The following HPS5 variants were observed in gnomAD, a reference collection of about 807,000 sequenced individuals.
HPS5 encodes the protein BLOC-2 complex member HPS5.
In HPS5, 83 loss-of-function variants were observed where a neutral mutation model predicts 128.0. The ratio of observed to expected loss-of-function variants is 0.65; its 90% CI spans 0.54 to 0.78. The LOEUF (loss-of-function observed/expected upper bound fraction) is 0.78, where lower values mean the gene tolerates loss of function less well. Ranked by LOEUF, HPS5 falls within the 30% of genes least tolerant of loss-of-function variation. The probability of loss-of-function intolerance (pLI) is 0.00; values close to 1 mark genes in which losing one functional copy is unlikely to be tolerated. For synonymous variants in HPS5, 475 were observed against 470.2 expected (o/e 1.01, Z -0.13); for missense variants, 1,281 against 1,326.2 (o/e 0.97, Z 0.53).
At position 18,291,998 on chromosome 11, in the gene HPS5, C is replaced by G. The variant is rs1250895035; in HGVS notation, c.1884G>C (p.Leu628=). 1 of 1,613,766 alleles carries G rather than the reference C, an allele frequency of 6.2e-7. No individual in the cohort carries two copies. The highest frequency in any genetic ancestry group is 1.1e-5 in the South Asian group (1 of 91,046). Residue 628 remains leucine, a synonymous_variant, in exon 16 of 23, where the codon CTG becomes CTC. Transcript: ENST00000349215. ...TCAGAGACTCGGATTCAAATAAAAC[C>G]AGAGGGTCCTGTAGCTTGGTCCTAT... The part of the protein sequence containing the change: ...AEAMTKLQDP[L]VLFESESLRM...
Position 18,297,568 on chromosome 11 carries a change from A to T in HPS5, c.1314T>A (p.Ile438=). The T allele has an allele frequency of 6.2e-7, 1 of 1,613,706 alleles. No homozygotes were observed. Among genetic ancestry groups the T allele is most frequent in the Non-Finnish European group, 8.5e-7 (1 of 1,179,780 alleles). The change falls in exon 11 of 23, where the codon ATT becomes ATA. Residue 438 remains isoleucine, a synonymous_variant. Transcript: ENST00000349215. ...DSACSSRRSS[I]SSHESFSILD... ...AGGTGAGAATACTTACATGTGATGAAATGGAGCTTCTTCTACTGCTACAAG... is the reference window on the plus strand; with the variant it reads ...AGGTGAGAATACTTACATGTGATGATATGGAGCTTCTTCTACTGCTACAAG...
At chr11:18,301,672 G>GTGCGCAACAAAAAGC (rs1861730901) in intron 8 of HPS5, among the ~76,000 whole-genome samples, 1 of 152,038 alleles carries the variant, frequency 6.6e-6, no homozygotes, top group Non-Finnish European at 1.5e-5. Context: ...TTAGTTGTGT[G>GTGCGCAACAAAAAGC]TGCGCAACAA....
rs556586894 is a variant in HPS5 at position 18,285,883 on chromosome 11, G to C, written c.2838-424C>G. On this transcript the variant is annotated intron_variant, in intron 19 of 22. Coordinates refer to ENST00000349215, the MANE Select transcript of HPS5 (RefSeq NM_181507.2). ...TTTTATTTTTAAAGTCCTAGATCAG[G>C]TTATGTCTAAAAATTCCTTGACACA... 5.9e-5 allele frequency among the ~76,000 whole-genome samples: 9 copies of C among 152,262 alleles called. No homozygotes were observed. In the East Asian group the frequency reaches 1.7e-3, roughly 29 times the overall value.
chr11:18,291,689 A>G lies in HPS5; in HGVS notation c.2193T>C (p.Ser731=). 3 of 1,614,276 alleles carry G rather than the reference A, an allele frequency of 1.9e-6. No homozygotes were observed. Among genetic ancestry groups the G allele is most frequent in the Non-Finnish European group, 2.5e-6 (3 of 1,180,038 alleles). Residue 731 remains serine (S), a synonymous_variant, in exon 16 of 23, where the codon AGT becomes AGC. Transcript: ENST00000349215. ...FQICSPCAIA[S]GLRNDLAELT... ...ATTCAGCCAGGTCGTTCCGAAGACC[A>G]CTTGCAATGGCGCATGGAGAACATA...
intron 1 of HPS5, 93 bp from the exon 2 acceptor site, chr11:18,318,000 A>G: frequency 1.1e-6 from 1 of 922,250 alleles, no homozygotes; most frequent in Non-Finnish European, 1.7e-6. Flanking sequence ...GAAACATGAG[A>G]AAGTCCCCAC....
chr11:18,311,233 C>G (rs1400697691), intron 4 of HPS5, among the ~76,000 whole-genome samples, 154 bp downstream of exon 4: 1 of 152,120 alleles, frequency 6.6e-6, no homozygotes, highest in Non-Finnish European at 1.5e-5. Flanking sequence ...TTCTGGTTTG[C>G]TGGGTACTGA....
chr11:18,289,622 AAAG>A (rs1860155422), intron 16 of HPS5, among the ~76,000 whole-genome samples: 3 of 152,248 alleles, frequency 2.0e-5, no homozygotes, highest in African/African-American at 7.2e-5. Context: ...TATTTGAATT[AAAG>A]CAGATCTGTA....
chr11:18,282,627 T>C (rs1564924670), intron 21 of HPS5, among the ~76,000 whole-genome samples: 2 of 152,018 alleles, frequency 1.3e-5, no homozygotes, highest in Non-Finnish European at 2.9e-5. Context: ...TGCTAAGCAC[T>C]GGATATGTAA....
rs891598387 is a variant in HPS5 at position 18,295,895 on chromosome 11, AG to A, written c.1634+103del. On this transcript the variant is annotated intron_variant, in intron 13 of 22. Coordinates refer to ENST00000349215, the MANE Select transcript of HPS5 (RefSeq NM_181507.2). ...CATATGACAAGTTATATGGAAAACA[AG>A]AGACTTCCTTTTTCTCATTTTCCAT... The A allele has an allele frequency of 1.4e-5, 17 of 1,252,110 alleles. No individual in the cohort carries two copies. In the African/African-American group the frequency reaches 2.1e-4, roughly 15 times the overall value. 77.6% of individuals were successfully genotyped at this position (1,252,110 alleles called of 1,614,324 possible). A position where few individuals can be genotyped will look rare whatever the true frequency, so the allele number is the denominator to read the frequency against.
Position 18,311,376 on chromosome 11 carries a change from C to G in HPS5, c.284+11G>C, listed in dbSNP as rs754426529. On this transcript the variant is annotated intron_variant, in intron 4 of 22. Transcript: ENST00000349215. Reference sequence around the variant, plus strand: ...TGAAAAAGGACAGATAGTTTTGGAACAGATTCTTACCTGGTAGCTACAGCA... The same window carrying G: ...TGAAAAAGGACAGATAGTTTTGGAAGAGATTCTTACCTGGTAGCTACAGCA... The G allele has an allele frequency of 6.3e-7, 1 of 1,578,194 alleles. No homozygotes were observed. The highest frequency in any genetic ancestry group is 1.1e-5 in the South Asian group (1 of 89,852).
intron 4 of HPS5, 105 bp from the exon 5 acceptor site, chr11:18,311,038 T>G (rs965524887): frequency 2.4e-6 from 2 of 841,994 alleles, no homozygotes; most frequent in African/African-American, 3.3e-5. Context: ...ACTCTTGTTC[T>G]TCAGAAAAGA....
chr11:18,301,079 G>A (rs910632613), intron 8 of HPS5, among the ~76,000 whole-genome samples, 163 bp from the exon 9 acceptor site: 36 of 152,270 alleles, frequency 2.4e-4, no homozygotes, highest in African/African-American at 8.4e-4. Flanking sequence ...CTTTCTGTCT[G>A]TAACAACAGC....
intron 10 of HPS5, 76 bp downstream of exon 10, chr11:18,298,716 C>T: frequency 1.4e-6 from 2 of 1,466,240 alleles, no homozygotes; most frequent in Non-Finnish European, 1.9e-6. Context: ...AATCAAGCAA[C>T]TTTGTAACAC....
chr11:18,317,764 G>A lies in HPS5; in HGVS notation c.95C>T (p.Ser32Phe), dbSNP rs760925763. 1.2e-6 allele frequency: 2 copies of A among 1,613,746 alleles called. No individual in the cohort carries two copies. The highest frequency in any genetic ancestry group is 3.3e-5 in the Admixed American group (2 of 59,990). The change falls in exon 2 of 23, where the codon TCC becomes TTC. Residue 32 changes from serine to phenylalanine, a missense_variant. Ser to Phe is a radical substitution (Grantham distance 155). Transcript: ENST00000349215. ...CAAGAAATTCACCTTTAGACGACTG[G>A]AGTCCAGCCGCAGGGCTGAGAGTAA... ...DPLLSALRLD[S>F]SRLKCTSIAV...
chr11:18,318,569 G>A (rs184036629), intron 1 of HPS5, among the ~76,000 whole-genome samples: 7 of 152,244 alleles, frequency 4.6e-5, no homozygotes, highest in Non-Finnish European at 1.0e-4. Flanking sequence ...TAACCAGTGA[G>A]GACTTTGTAA....
intron 16 of HPS5, among the ~76,000 whole-genome samples, chr11:18,288,616 C>CTAAAG (rs1349860470): frequency 6.6e-6 from 1 of 151,740 alleles, no homozygotes. Flanking sequence ...AAGTATGAAT[C>CTAAAG]TAAAGTAAAG....
intron 2 of HPS5, among the ~76,000 whole-genome samples, chr11:18,312,822 G>A (rs1863165196): frequency 6.6e-6 from 1 of 152,188 alleles, no homozygotes. Context: ...TATGTGCAAT[G>A]GTAGAACAGG....
In HPS5 at chr11:18,279,042, GA is replaced by G. The variant is rs1234245965; in HGVS notation, c.*839del. ...TTAGAAAATATTAAATAAATACAGG[GA>G]AAAATATTTTTAATTAGCTTAATTT... On this transcript the variant is annotated 3_prime_UTR_variant, in exon 23 of 23. Coordinates refer to ENST00000349215, the MANE Select transcript of HPS5 (RefSeq NM_181507.2). The G allele has an allele frequency of 6.6e-6, 1 of 152,086 alleles. No individual in the cohort carries two copies. Among genetic ancestry groups the G allele is most frequent in the African/African-American group, 2.4e-5 (1 of 41,426 alleles). The allele number at this position is 152,086 out of a possible 1,614,324, so 9.4% of individuals were successfully genotyped here. A position where few individuals can be genotyped will look rare whatever the true frequency, so the allele number is the denominator to read the frequency against.
intron 18 of HPS5, chr11:18,286,940 G>T: frequency 1.8e-6 from 1 of 556,698 alleles, no homozygotes; most frequent in Non-Finnish European, 3.2e-6. Flanking sequence ...AAGAGAGAGA[G>T]AAAGAAAGAG....
Sources: allele counts gnomAD v4.1 joint callset (sites outside exome capture counted in the v4.1 genomes callset), GRCh38; gene constraint gnomAD v4.1.1; transcripts MANE v1.5; gene names NCBI Gene and HGNC (gene_info 2026-07-23, HGNC 2026-07-21).